Variants in PM20D2 observed in about 807,000 individuals in gnomAD.
PM20D2 encodes the protein peptidase M20 domain containing 2.
Under a neutral mutation model 42.9 loss-of-function variants are expected in PM20D2, and 33 were observed. The observed-to-expected ratio is 0.77, with a 90% CI of 0.58 to 1.03. PM20D2 has a LOEUF of 1.03. Ranked by LOEUF, PM20D2 falls within the 50% of genes least tolerant of loss-of-function variation. PM20D2 has a pLI of 0.00. For synonymous variants in PM20D2, 250 were observed against 228.2 expected, an observed-to-expected ratio of 1.10 and a Z score of -0.86; for missense variants, 548 against 557.0, an observed-to-expected ratio of 0.98 and a Z score of 0.16.
intron 5 of PM20D2, among the ~76,000 whole-genome samples, chr6:89,158,860 T>C (rs962091379): frequency 6.6e-6 from 1 of 152,204 alleles, no homozygotes; most frequent in African/African-American, 2.4e-5. Flanking sequence ...CAGCTAGAAT[T>C]GAAATAAGCA....
chr6:89,108,927 G>A, the PM20D2 span, among the ~76,000 whole-genome samples: 5 of 152,292 alleles, frequency 3.3e-5, no homozygotes, highest in African/African-American at 9.6e-5. Context: ...TCAACATTAT[G>A]ACATACTTTA....
the PM20D2 span, among the ~76,000 whole-genome samples, chr6:89,130,819 CTTTTTTTTTTTT>C: frequency 1.4e-3 from 34 of 24,046 alleles, no homozygotes; most frequent in Admixed American, 2.8e-3. Flanking sequence ...GCTTCTTCTT[CTTTTTTTTTTTT>C]TTTTTTTTTT....
chr6:89,117,056 A>G, the PM20D2 span, among the ~76,000 whole-genome samples: 4 of 151,920 alleles, frequency 2.6e-5, no homozygotes, highest in Admixed American at 2.6e-4. Flanking sequence ...CAATTTCTTC[A>G]GCTCCATTAA....
upstream of PM20D2, among the ~76,000 whole-genome samples, chr6:89,141,165 C>CTT (rs979042213): frequency 1.1e-4 from 16 of 152,138 alleles, no homozygotes; most frequent in Admixed American, 7.9e-4. Flanking sequence ...CCCTCACTCT[C>CTT]TTATTTCCCC....
chr6:89,117,560 G>C, the PM20D2 span, among the ~76,000 whole-genome samples: 1 of 152,192 alleles, frequency 6.6e-6, no homozygotes, highest in Admixed American at 6.5e-5. Context: ...CTGCGGTGCT[G>C]AACCGCGGAA....
the PM20D2 span, among the ~76,000 whole-genome samples, chr6:89,113,884 C>G: frequency 1.3e-5 from 2 of 152,108 alleles, no homozygotes; most frequent in Non-Finnish European, 2.9e-5. Context: ...CTTAAGTGAT[C>G]TACCCACCTC....
the PM20D2 span, among the ~76,000 whole-genome samples, chr6:89,112,839 G>A: frequency 6.6e-6 from 1 of 152,080 alleles, no homozygotes; most frequent in Non-Finnish European, 1.5e-5. Flanking sequence ...TTATAACAAA[G>A]CTGTCCTAGA....
the PM20D2 span, among the ~76,000 whole-genome samples, chr6:89,135,605 A>T: frequency 6.9e-6 from 1 of 144,700 alleles, no homozygotes; most frequent in East Asian, 2.0e-4. Flanking sequence ...AGTGAGTGAC[A>T]TGTTATCAGC....
chr6:89,150,937 T>C, intron 2 of PM20D2, among the ~76,000 whole-genome samples: 1 of 151,702 alleles, frequency 6.6e-6, no homozygotes, highest in East Asian at 2.0e-4. Context: ...GTGGATCACC[T>C]GAGGTTAGGA....
the PM20D2 span, among the ~76,000 whole-genome samples, chr6:89,124,584 G>T: frequency 6.6e-6 from 1 of 152,024 alleles, no homozygotes; most frequent in Non-Finnish European, 1.5e-5. Context: ...ATTCACCCAG[G>T]AATAAAAAAA....
the PM20D2 span, among the ~76,000 whole-genome samples, chr6:89,131,357 G>A: frequency 5.9e-5 from 9 of 151,998 alleles, no homozygotes; most frequent in Non-Finnish European, 1.2e-4. Context: ...CCATATCAAG[G>A]GGTTACTGAA....
the PM20D2 span, chr6:89,106,848 T>C: frequency 2.6e-6 from 1 of 391,610 alleles, no homozygotes; most frequent in Non-Finnish European, 5.0e-6. Context: ...GTCTTTTGCT[T>C]GATAAAGACT....
chr6:89,156,347 G>T (rs1050266989), intron 4 of PM20D2, among the ~76,000 whole-genome samples: 10 of 152,174 alleles, frequency 6.6e-5, no homozygotes, highest in Non-Finnish European at 1.0e-4. Context: ...AGCTAATTCT[G>T]TAACCTTTAG....
At chr6:89,153,215 A>G (rs2127777825) in intron 3 of PM20D2, 30 bp downstream of exon 3, 1 of 1,528,858 alleles carries the variant, frequency 6.5e-7, no homozygotes, top group Non-Finnish European at 8.8e-7. Flanking sequence ...TCTATAATAG[A>G]TGGTGCTTGC....
the PM20D2 span, among the ~76,000 whole-genome samples, chr6:89,132,532 T>C: frequency 6.6e-6 from 1 of 151,232 alleles, no homozygotes; most frequent in Non-Finnish European, 1.5e-5. Context: ...AGTGAACAAA[T>C]TATTGGAACT....
chr6:89,101,109 CAAAA>C, the PM20D2 span, among the ~76,000 whole-genome samples: 1 of 54,632 alleles, frequency 1.8e-5, no homozygotes. Context: ...ACCTCCAAGA[CAAAA>C]AAAAAAAAAA....
At chr6:89,148,431 T>C (rs2127774593) in intron 1 of PM20D2, 1 of 508,946 alleles carries the variant, frequency 2.0e-6, no homozygotes, top group Non-Finnish European at 2.5e-6. Flanking sequence ...AATATATTAG[T>C]TGTTTATTTT....
chr6:89,106,632 A>G, the PM20D2 span: 1 of 161,630 alleles, frequency 6.2e-6, no homozygotes. Context: ...AAAAAATAAC[A>G]AACAGAAAAA....
chr6:89,147,143 A>C (rs1406922980), intron 1 of PM20D2, among the ~76,000 whole-genome samples: 1 of 152,232 alleles, frequency 6.6e-6, no homozygotes, highest in Non-Finnish European at 1.5e-5. Flanking sequence ...AAGTATACAA[A>C]TAAAGGGGAA....
Sources: gnomAD v4.1 joint callset for allele counts (sites outside exome capture counted in the v4.1 genomes callset) on GRCh38, gnomAD v4.1.1 for gene constraint, MANE v1.5 for transcripts, NCBI Gene and HGNC (gene_info 2026-07-23, HGNC 2026-07-21) for gene names.